Variants in MAGI1 observed in about 807,000 individuals in gnomAD.
MAGI1 encodes membrane associated guanylate kinase, WW and PDZ domain containing 1, also known as membrane-associated guanylate kinase, WW and PDZ domain-containing protein 1.
In MAGI1, 58 loss-of-function variants were observed where a neutral mutation model predicts 139.9. That is an observed-to-expected ratio of 0.41 (90% CI 0.34 to 0.52). The LOEUF (loss-of-function observed/expected upper bound fraction) is 0.52, where lower values mean the gene tolerates loss of function less well. Ranked by LOEUF, MAGI1 falls within the 20% of genes least tolerant of loss-of-function variation. The pLI, the probability that MAGI1 is intolerant of heterozygous loss-of-function variation, is 0.12. For missense variants in MAGI1, 1,874 were observed against 1,901.6 expected, an observed-to-expected ratio of 0.99 and a Z score of 0.27; for synonymous variants, 812 against 737.9, an observed-to-expected ratio of 1.10 and a Z score of -1.63.
At chr3:65,433,256 G>A (rs1407256056) in intron 10 of MAGI1, among the ~76,000 whole-genome samples, 4 of 152,132 alleles carry the variant, frequency 2.6e-5, no homozygotes, top group Non-Finnish European at 5.9e-5. Flanking sequence ...GTGTTTGGTT[G>A]TTGGAGCTTT....
chr3:65,376,042 T>A, intron 17 of MAGI1, 97 bp from the exon 18 acceptor site: 1 of 854,450 alleles, frequency 1.2e-6, no homozygotes, highest in African/African-American at 1.7e-5. Flanking sequence ...AGGTTAAGTG[T>A]TAATAAATTA....
At chr3:65,516,299 C>T (rs1004624198) in intron 2 of MAGI1, among the ~76,000 whole-genome samples, 1 of 152,060 alleles carries the variant, frequency 6.6e-6, no homozygotes, top group South Asian at 2.1e-4. Context: ...CCTGCCTCAG[C>T]CTCCCAAGTA....
At chr3:65,786,651 A>G (rs2649192) in intron 1 of MAGI1, among the ~76,000 whole-genome samples, 146,209 of 146,898 alleles carry the variant, frequency 1, 72,767 homozygotes, top group East Asian at 1. Flanking sequence ...TTGCTTTGTC[A>G]CCCAGGCTGG....
intron 2 of MAGI1, among the ~76,000 whole-genome samples, chr3:65,512,490 C>G (rs993952322): frequency 1.3e-5 from 2 of 149,826 alleles, no homozygotes; most frequent in Non-Finnish European, 3.0e-5. Context: ...ACCGATCCCA[C>G]AGAAATACAA....
intron 9 of MAGI1, 30 bp from the exon 10 acceptor site, chr3:65,437,277 T>C: frequency 6.8e-7 from 1 of 1,480,712 alleles, no homozygotes; most frequent in Non-Finnish European, 9.4e-7. Context: ...GTTTCCTATT[T>C]TTCCTTCAAA....
chr3:65,674,428 G>A (rs1379804398), intron 1 of MAGI1, among the ~76,000 whole-genome samples: 8 of 152,268 alleles, frequency 5.3e-5, no homozygotes, highest in South Asian at 2.1e-4. Context: ...CCCATGAGGT[G>A]CCTGTGAAAC....
intron 1 of MAGI1, among the ~76,000 whole-genome samples, chr3:65,882,495 A>G (rs746449644): frequency 2.0e-5 from 3 of 152,164 alleles, no homozygotes; most frequent in Non-Finnish European, 2.9e-5. Context: ...TTTCCCATCT[A>G]CAGGATGGCA....
At chr3:65,801,090 T>C (rs757278171) in intron 1 of MAGI1, among the ~76,000 whole-genome samples, 9 of 152,174 alleles carry the variant, frequency 5.9e-5, no homozygotes, top group Non-Finnish European at 8.8e-5. Flanking sequence ...GAGACACTTA[T>C]GAAAATGAGA....
At chr3:65,596,356 G>C (rs568789417) in intron 2 of MAGI1, among the ~76,000 whole-genome samples, 12 of 152,154 alleles carry the variant, frequency 7.9e-5, no homozygotes. Flanking sequence ...TCTTTTGAAA[G>C]CACTGAATAC....
intron 2 of MAGI1, among the ~76,000 whole-genome samples, chr3:65,512,404 A>G (rs1038031759): frequency 4.1e-5 from 6 of 146,886 alleles, no homozygotes; most frequent in Admixed American, 2.7e-4. Flanking sequence ...TTGATAGACC[A>G]CTAGCAAGAC....
In MAGI1 at chr3:65,812,918, T is replaced by C. The variant is rs574229824; in HGVS notation, c.314-190830A>G. Among the ~76,000 whole-genome samples, 12 of 151,650 alleles carry C rather than the reference T, an allele frequency of 7.9e-5. No individual in the cohort carries two copies. In the South Asian group the frequency reaches 2.3e-3, roughly 29 times the overall value. On this transcript the variant is annotated intron_variant, in intron 1 of 22. Transcript: ENST00000402939. Reference sequence around the variant, plus strand: ...CAGAGATGGGGTTTCTCCATGTTGGTGAGGCTGGTCTCAAACTCCTGACCT... The same window carrying C: ...CAGAGATGGGGTTTCTCCATGTTGGCGAGGCTGGTCTCAAACTCCTGACCT...
chr3:65,412,811 C>T (rs928621905), intron 12 of MAGI1, among the ~76,000 whole-genome samples: 1 of 152,148 alleles, frequency 6.6e-6, no homozygotes, highest in African/African-American at 2.4e-5. Flanking sequence ...GCACAGAGAA[C>T]AAGGTTCCGC....
chr3:66,023,012 T>C lies in MAGI1; in HGVS notation c.313+14984A>G, dbSNP rs144290579. 5.6e-3 allele frequency among the ~76,000 whole-genome samples: 856 copies of C among 152,272 alleles called. 28 individuals are homozygous for C. Among genetic ancestry groups the C allele is most frequent in the Admixed American group, 0.05 (767 of 15,290 alleles). ...TTGTGCCACATTATCCTTGAGCATT[T>C]TATAGTAGCAGAAAGAAGTCAAACT... is the stretch of plus-strand genomic sequence containing the variant. On this transcript the variant is annotated intron_variant, in intron 1 of 22. Transcript: ENST00000402939.
At chr3:65,387,169 T>A in intron 14 of MAGI1, 1 of 1,614,104 alleles carries the variant, frequency 6.2e-7, no homozygotes, top group Non-Finnish European at 8.5e-7. Context: ...ATTCGTGGAA[T>A]TGATTTCTCT....
chr3:65,372,929 G>A (rs1346242678), intron 18 of MAGI1, among the ~76,000 whole-genome samples: 1 of 152,186 alleles, frequency 6.6e-6, no homozygotes. Flanking sequence ...GTTGTGGCTG[G>A]TTTGATTTTC....
intron 1 of MAGI1, among the ~76,000 whole-genome samples, chr3:65,937,929 T>G (rs2063142054): frequency 6.6e-6 from 1 of 152,108 alleles, no homozygotes; most frequent in Non-Finnish European, 1.5e-5. Context: ...TTTAATGTAC[T>G]TTTATAAAAA....
At chr3:65,556,083 T>C (rs1385920923) in intron 2 of MAGI1, among the ~76,000 whole-genome samples, 3 of 152,156 alleles carry the variant, frequency 2.0e-5, no homozygotes, top group Non-Finnish European at 4.4e-5. Flanking sequence ...AGTTAGTGAA[T>C]TAGTGTGGAA....
chr3:65,639,552 G>A (rs1206073209), intron 1 of MAGI1, among the ~76,000 whole-genome samples: 1 of 152,132 alleles, frequency 6.6e-6, no homozygotes, highest in African/African-American at 2.4e-5. Context: ...TGGTCAAACA[G>A]AATTCTGGGT....
intron 2 of MAGI1, among the ~76,000 whole-genome samples, chr3:65,572,514 T>C (rs933970076): frequency 7.2e-5 from 11 of 152,000 alleles, no homozygotes; most frequent in African/African-American, 2.7e-4. Flanking sequence ...CATCACAGGG[T>C]CACAGACATC....
Sources: allele counts gnomAD v4.1 joint callset (sites outside exome capture counted in the v4.1 genomes callset), GRCh38; gene constraint gnomAD v4.1.1; transcripts MANE v1.5; gene names NCBI Gene and HGNC (gene_info 2026-07-23, HGNC 2026-07-21).